UGT1A7: variants seen among roughly 807,000 people sequenced by gnomAD.
UGT1A7 encodes the protein UDP glucuronosyltransferase family 1 member A7.
UGT1A7 carries 33 observed loss-of-function variants against 45.6 expected under a neutral mutation model. The observed-to-expected ratio is 0.72, with a 90% CI of 0.55 to 0.97. The LOEUF (loss-of-function observed/expected upper bound fraction) is 0.97, where lower values mean the gene tolerates loss of function less well. Ranked by LOEUF, UGT1A7 falls within the 50% of genes least tolerant of loss-of-function variation. UGT1A7 has a pLI of 0.00. For synonymous variants in UGT1A7, 274 were observed against 250.6 expected (o/e 1.09, Z -0.88); for missense variants, 684 against 666.2 (o/e 1.03, Z -0.29).
In UGT1A7 at chr2:233,691,469, C is replaced by A. The variant is rs183049628; in HGVS notation, c.855+8677C>A. ...CCCTTCCTGGGCCCCAGAACACCTCCGGTGCCAAACTTGTGGGTGGGAACA... is the reference window on the plus strand; with the variant it reads ...CCCTTCCTGGGCCCCAGAACACCTCAGGTGCCAAACTTGTGGGTGGGAACA... On this transcript the variant is annotated intron_variant, in intron 1 of 4. Transcript: ENST00000373426. 3.0e-6 allele frequency: 3 copies of A among 985,780 alleles called. No individual in the cohort carries two copies. In the East Asian group the frequency reaches 3.4e-4, roughly 111 times the overall value. 61.1% of individuals were successfully genotyped at this position (985,780 alleles called of 1,614,324 possible).
chr2:233,766,745 T>C (rs1337689607), intron 1 of UGT1A7, among the ~76,000 whole-genome samples: 1 of 152,196 alleles, frequency 6.6e-6, no homozygotes, highest in Non-Finnish European at 1.5e-5. Flanking sequence ...TGTACAGGTG[T>C]GTGCATGTGT....
At chr2:233,747,791 T>A in intron 1 of UGT1A7, 1 of 1,613,564 alleles carries the variant, frequency 6.2e-7, no homozygotes, top group Middle Eastern at 1.7e-4. Context: ...CTTCCTCCTA[T>A]ATTCCTAAGT....
intron 1 of UGT1A7, among the ~76,000 whole-genome samples, chr2:233,725,079 CG>C (rs1365887485): frequency 6.9e-6 from 1 of 144,208 alleles, no homozygotes; most frequent in Non-Finnish European, 1.5e-5. Context: ...CGCAGGCACT[CG>C]GCAGGCTGAG....
At chr2:233,719,100 C>A (rs780011480) in intron 1 of UGT1A7, 1 of 1,614,270 alleles carries the variant, frequency 6.2e-7, no homozygotes, top group Admixed American at 1.7e-5. Flanking sequence ...TCGCGTTACG[C>A]TGGGCTACAC....
At chr2:233,741,857 T>C (rs1691796983) in intron 1 of UGT1A7, 1 of 151,956 alleles carries the variant, frequency 6.6e-6, no homozygotes, top group Non-Finnish European at 1.5e-5. Flanking sequence ...TCATGCCTTA[T>C]GCAAACCTTT....
At chr2:233,706,468 T>C (rs2075909153) in intron 1 of UGT1A7, among the ~76,000 whole-genome samples, 1 of 152,230 alleles carries the variant, frequency 6.6e-6, no homozygotes, top group African/African-American at 2.4e-5. Flanking sequence ...GGTTTCACCA[T>C]AGGCTGGGTA....
chr2:233,738,751 A>G (rs1205771191), intron 1 of UGT1A7, among the ~76,000 whole-genome samples: 1 of 152,150 alleles, frequency 6.6e-6, no homozygotes, highest in Non-Finnish European at 1.5e-5. Context: ...ATGTGGTAGA[A>G]AAGAAAAACC....
intron 1 of UGT1A7, chr2:233,728,975 A>G: frequency 6.7e-7 from 1 of 1,489,458 alleles, no homozygotes; most frequent in Non-Finnish European, 9.0e-7. Context: ...TGATAGATTA[A>G]TGGTTAATAA....
chr2:233,742,752 T>C (rs1692089245), intron 1 of UGT1A7: 2 of 152,902 alleles, frequency 1.3e-5, no homozygotes, highest in Admixed American at 1.3e-4. Flanking sequence ...CTCCAAAATA[T>C]TAAGATAATA....
intron 1 of UGT1A7, among the ~76,000 whole-genome samples, chr2:233,683,181 A>G (rs527983544): frequency 2.6e-5 from 4 of 152,152 alleles, no homozygotes; most frequent in African/African-American, 4.8e-5. Flanking sequence ...ATGTATATGC[A>G]TATATTTAGG....
intron 1 of UGT1A7, among the ~76,000 whole-genome samples, chr2:233,735,366 G>C (rs2078646092): frequency 6.6e-6 from 1 of 151,988 alleles, no homozygotes; most frequent in Non-Finnish European, 1.5e-5. Context: ...TTGTTTGGTA[G>C]ATCTTCCTCC....
At chr2:233,691,109 A>C (rs1338649252) in intron 1 of UGT1A7, 1 of 985,864 alleles carries the variant, frequency 1.0e-6, no homozygotes, top group African/African-American at 1.7e-5. Context: ...CTATTCCTAC[A>C]TGCTTGCTTA....
At chr2:233,729,021 C>G in intron 1 of UGT1A7, 4 of 1,593,202 alleles carry the variant, frequency 2.5e-6, no homozygotes, top group Non-Finnish European at 3.4e-6. Context: ...TCCAATTACA[C>G]GTTGATTTGC....
chr2:233,727,030 G>T (rs2077579042), intron 1 of UGT1A7, among the ~76,000 whole-genome samples: 1 of 152,072 alleles, frequency 6.6e-6, no homozygotes, highest in South Asian at 2.1e-4. Flanking sequence ...TGTACCCTAA[G>T]GAATCTTTAC....
chr2:233,713,954 C>T (rs1224716390), intron 1 of UGT1A7: 55 of 1,607,802 alleles, frequency 3.4e-5, no homozygotes, highest in Non-Finnish European at 4.7e-5. Context: ...ACTTATCTTT[C>T]CAAAGATTTC....
chr2:233,742,512 C>A (rs924249262), intron 1 of UGT1A7, among the ~76,000 whole-genome samples: 2 of 151,876 alleles, frequency 1.3e-5, no homozygotes, highest in African/African-American at 4.9e-5. Context: ...ATCATGAACA[C>A]GTCACAGTGC....
intron 1 of UGT1A7, chr2:233,691,770 C>T (rs2075056418): frequency 5.4e-6 from 2 of 366,996 alleles, no homozygotes; most frequent in African/African-American, 2.2e-5. Context: ...CTCTAGGATT[C>T]TCACCACGTA....
intron 1 of UGT1A7, chr2:233,693,171 T>C (rs759983270): frequency 3.6e-5 from 58 of 1,613,992 alleles, no homozygotes; most frequent in Non-Finnish European, 4.7e-5. Flanking sequence ...GGTCATGAGA[T>C]TGTAGTGGTG....
At chr2:233,703,675 A>T (rs2075747379) in intron 1 of UGT1A7, among the ~76,000 whole-genome samples, 1 of 152,106 alleles carries the variant, frequency 6.6e-6, no homozygotes, top group Admixed American at 6.5e-5. Flanking sequence ...GTTTCATGAT[A>T]TATTTTTTTT....
Sources: gnomAD v4.1 joint callset for allele counts (sites outside exome capture counted in the v4.1 genomes callset) on GRCh38, gnomAD v4.1.1 for gene constraint, MANE v1.5 for transcripts, NCBI Gene and HGNC (gene_info 2026-07-23, HGNC 2026-07-21) for gene names.